CREBL2: variants seen among roughly 807,000 people sequenced by gnomAD.
CREBL2 encodes the protein cAMP responsive element binding protein like 2.
CREBL2 carries 4 observed loss-of-function variants against 19.5 expected under a neutral mutation model. The observed-to-expected ratio is 0.20, with a 90% confidence interval of 0.10 to 0.47. The LOEUF (loss-of-function observed/expected upper bound fraction) is 0.47, where lower values mean the gene tolerates loss of function less well. Among genes scored for constraint, CREBL2 ranks in the 20% least tolerant of loss-of-function variants. The pLI, the probability that CREBL2 is intolerant of heterozygous loss-of-function variation, is 0.98. For missense variants in CREBL2, 85 were observed against 145.1 expected, an observed-to-expected ratio of 0.59 and a Z score of 2.13; for synonymous variants, 42 against 46.6, an observed-to-expected ratio of 0.90 and a Z score of 0.40.
At chr12:12,624,579 C>T (rs772649385) in intron 1 of CREBL2, among the ~76,000 whole-genome samples, 1 of 152,212 alleles carries the variant, frequency 6.6e-6, no homozygotes, top group Non-Finnish European at 1.5e-5. Context: ...CGGCCAGCTG[C>T]TTTGGTGCTA....
At chr12:12,633,696 T>C (rs1176778240) in intron 1 of CREBL2, among the ~76,000 whole-genome samples, 1 of 152,212 alleles carries the variant, frequency 6.6e-6, no homozygotes, top group East Asian at 1.9e-4. Context: ...GATTCACATT[T>C]AAAGCTTGGT....
chr12:12,632,075 T>C (rs1301467928), intron 1 of CREBL2, among the ~76,000 whole-genome samples: 1 of 121,808 alleles, frequency 8.2e-6, no homozygotes, highest in African/African-American at 3.3e-5. Flanking sequence ...TTTCTTTTTT[T>C]TTTTTTTTTT....
In CREBL2 at chr12:12,637,668, AAGC is replaced by A; in HGVS notation, c.315_317del (p.Ser105del). ...AGCAGAACAAATCTCAGCAGAACTC[AAGC>A]AGGCATACCAAGGCTGGGAAGACAG... On this transcript the variant is annotated inframe_deletion, in exon 3 of 4. Coordinates refer to ENST00000228865, the MANE Select transcript of CREBL2 (RefSeq NM_001310.4). The A allele has an allele frequency of 6.2e-7, 1 of 1,613,432 alleles. No individual in the cohort carries two copies. Among genetic ancestry groups the A allele is most frequent in the Non-Finnish European group, 8.5e-7 (1 of 1,179,550 alleles).
chr12:12,633,179 C>T (rs1945453125), intron 1 of CREBL2, among the ~76,000 whole-genome samples: 1 of 152,092 alleles, frequency 6.6e-6, no homozygotes, highest in Non-Finnish European at 1.5e-5. Context: ...TCAGGTGATC[C>T]ACCTGCCTCA....
Position 12,627,354 on chromosome 12 carries a change from T to C in CREBL2, c.16-8423T>C, listed in dbSNP as rs143544993. Among the ~76,000 whole-genome samples, 331 of 152,244 alleles carry C rather than the reference T, an allele frequency of 2.2e-3. 1 individual carries two copies. Among genetic ancestry groups the C allele is most frequent in the Non-Finnish European group, 2.7e-3 (184 of 68,024 alleles). On this transcript the variant is annotated intron_variant, in intron 1 of 3. Transcript: ENST00000228865. ...AACAGCTGTAAAAAAATAAAGTCTA[T>C]TGATTTAAAAAAGAAAAAAAGAAAC...
intron 1 of CREBL2, among the ~76,000 whole-genome samples, chr12:12,625,894 A>G (rs1393706427): frequency 6.6e-6 from 1 of 152,136 alleles, no homozygotes; most frequent in African/African-American, 2.4e-5. Flanking sequence ...TTTGGGACAA[A>G]GTGGGTATTT....
At chr12:12,627,962 C>A (rs528823953) in intron 1 of CREBL2, among the ~76,000 whole-genome samples, 26 of 152,292 alleles carry the variant, frequency 1.7e-4, no homozygotes, top group African/African-American at 6.3e-4. Context: ...TCACTGCAAC[C>A]TCCAACTCCC....
chr12:12,640,606 G>C (rs1945509557), intron 3 of CREBL2, among the ~76,000 whole-genome samples: 1 of 152,200 alleles, frequency 6.6e-6, no homozygotes, highest in Non-Finnish European at 1.5e-5. Context: ...ATAGGATTAA[G>C]AGTAAAGTAA....
chr12:12,643,931 T>TA lies in CREBL2; in HGVS notation c.*1934dup, dbSNP rs773654018. On this transcript the variant is annotated 3_prime_UTR_variant, in exon 4 of 4. Transcript: ENST00000228865. ...TTATTTTGCAAAACAACCCAAAACT[T>TA]ACTTTATGTTGCTTTGTTCAGTACC... 3 of 152,652 alleles carry TA rather than the reference T, an allele frequency of 2.0e-5. No homozygotes were observed. Among genetic ancestry groups the TA allele is most frequent in the African/African-American group, 4.8e-5 (2 of 41,456 alleles). 9.5% of individuals were successfully genotyped at this position (152,652 alleles called of 1,614,324 possible). A position where few individuals can be genotyped will look rare whatever the true frequency, so the allele number is the denominator to read the frequency against.
chr12:12,635,705 A>G (rs1566113827), intron 1 of CREBL2, 72 bp from the exon 2 acceptor site: 2 of 1,499,284 alleles, frequency 1.3e-6, no homozygotes, highest in Non-Finnish European at 1.8e-6. Flanking sequence ...TCTCTTTGCT[A>G]ATATGCAGCC....
chr12:12,612,046 T>C lies in CREBL2; in HGVS notation c.-127T>C. 1 of 1,144,602 alleles carries C rather than the reference T, an allele frequency of 8.7e-7. No individual in the cohort carries two copies. The highest frequency in any genetic ancestry group is 1.3e-5 in the South Asian group (1 of 77,342). 70.9% of individuals were successfully genotyped at this position (1,144,602 alleles called of 1,614,324 possible). On this transcript the variant is annotated 5_prime_UTR_variant, in exon 1 of 4. Coordinates refer to ENST00000228865, the MANE Select transcript of CREBL2 (RefSeq NM_001310.4). ...CTCTGGCATCAGGGAAGCGAACTGT[T>C]AGGCGAGAGGAGGAGGCAGCCAGAA...
chr12:12,637,481 C>A, intron 2 of CREBL2, 89 bp from the exon 3 acceptor site: 2 of 876,712 alleles, frequency 2.3e-6, no homozygotes, highest in Non-Finnish European at 1.5e-6. Flanking sequence ...TCTAGGATTT[C>A]TACCAGTGGT....
At chr12:12,613,478 T>G (rs1331095225) in intron 1 of CREBL2, among the ~76,000 whole-genome samples, 1 of 152,224 alleles carries the variant, frequency 6.6e-6, no homozygotes, top group Non-Finnish European at 1.5e-5. Flanking sequence ...TTCAAAAAAT[T>G]TCCAACTTCT....
chr12:12,612,158 G>T lies in CREBL2; in HGVS notation c.-15G>T. ...CCGGGAGGGAGTGCCTGGCCAGGCC[G>T]GCCTGTCTGCCGCGATGGATGACAG... is the stretch of plus-strand genomic sequence containing the variant. On this transcript the variant is annotated 5_prime_UTR_variant, in exon 1 of 4. Transcript: ENST00000228865. 1 of 1,612,288 alleles carries T rather than the reference G, an allele frequency of 6.2e-7. No homozygotes were observed. Among genetic ancestry groups the T allele is most frequent in the Non-Finnish European group, 8.5e-7 (1 of 1,180,010 alleles).
chr12:12,641,250 ATTATTTTTTTT>A (rs1945516031), intron 3 of CREBL2, among the ~76,000 whole-genome samples: 3 of 58,020 alleles, frequency 5.2e-5, no homozygotes, highest in African/African-American at 1.8e-4. Flanking sequence ...TATTATTATT[ATTATTTTTTTT>A]TATTTTTTTT....
intron 1 of CREBL2, among the ~76,000 whole-genome samples, chr12:12,634,515 T>C (rs184754460): frequency 8.6e-4 from 130 of 151,336 alleles, no homozygotes; most frequent in African/African-American, 2.7e-3. Flanking sequence ...TACATATTTA[T>C]GTGTGTATAT....
intron 1 of CREBL2, among the ~76,000 whole-genome samples, chr12:12,629,718 A>G (rs1457923627): frequency 6.6e-6 from 1 of 152,146 alleles, no homozygotes; most frequent in African/African-American, 2.4e-5. Context: ...GTATTCTACC[A>G]TTAGTAAGAT....
Position 12,644,637 on chromosome 12 carries a change from T to TA in CREBL2, c.*2644dup, listed in dbSNP as rs1310385148. On this transcript the variant is annotated 3_prime_UTR_variant, in exon 4 of 4. Coordinates refer to ENST00000228865, the MANE Select transcript of CREBL2 (RefSeq NM_001310.4). ...GTTTTAGGATATAGTTGAATTTCTT[T>TA]AAAAAGTTTTCTATTTTATCTAAAA... 1 of 152,688 alleles carries TA rather than the reference T, an allele frequency of 6.5e-6. No individual in the cohort carries two copies. Among genetic ancestry groups the TA allele is most frequent in the Non-Finnish European group, 1.5e-5 (1 of 68,048 alleles). The allele number at this position is 152,688 out of a possible 1,614,324, so 9.5% of individuals were successfully genotyped here.
Position 12,612,292 on chromosome 12 carries a change from G to A in CREBL2, c.15+105G>A, listed in dbSNP as rs1352578752. On this transcript the variant is annotated intron_variant, in intron 1 of 3. Coordinates refer to ENST00000228865, the MANE Select transcript of CREBL2 (RefSeq NM_001310.4). ...CCACGCCAACACCCAAGAGACACCT[G>A]CCTAAAACATCCCTGCGCCTCTCCA... The A allele has an allele frequency of 2.5e-6, 4 of 1,588,272 alleles. No individual in the cohort carries two copies. In the Admixed American group the frequency reaches 5.1e-5, roughly 20 times the overall value.
Sources: allele counts gnomAD v4.1 joint callset (sites outside exome capture counted in the v4.1 genomes callset), GRCh38; gene constraint gnomAD v4.1.1; transcripts MANE v1.5; gene names NCBI Gene and HGNC (gene_info 2026-07-23, HGNC 2026-07-21).